Variants in RYR3 observed in about 807,000 individuals in gnomAD.
RYR3 encodes the protein ryanodine receptor 3.
A neutral mutation model predicts 584.3 loss-of-function variants in RYR3; 207 were observed. The ratio of observed to expected loss-of-function variants is 0.35; its 90% CI spans 0.32 to 0.40. The LOEUF (loss-of-function observed/expected upper bound fraction) is 0.40, where lower values mean the gene tolerates loss of function less well. Ranked by LOEUF, RYR3 falls within the 10% of genes least tolerant of loss-of-function variation. The pLI, the probability that RYR3 is intolerant of heterozygous loss-of-function variation, is 1.00. For synonymous variants in RYR3, 2,416 were observed against 2,248.5 expected (o/e 1.07, Z -2.11); for missense variants, 5,616 against 6,089.2 (o/e 0.92, Z 2.59).
intron 1 of RYR3, among the ~76,000 whole-genome samples, chr15:33,338,653 G>A (rs557659993): frequency 6.6e-6 from 1 of 152,144 alleles, no homozygotes; most frequent in South Asian, 2.1e-4. Flanking sequence ...GGAACCGAAA[G>A]GGGGAGGCAG....
intron 63 of RYR3, among the ~76,000 whole-genome samples, chr15:33,772,537 T>C (rs565562028): frequency 6.6e-6 from 1 of 152,356 alleles, no homozygotes; most frequent in South Asian, 2.1e-4. Flanking sequence ...GAAGACTTAA[T>C]TTATTCATTG....
intron 2 of RYR3, among the ~76,000 whole-genome samples, chr15:33,474,139 G>A (rs780496019): frequency 2.5e-4 from 38 of 152,114 alleles, no homozygotes; most frequent in Admixed American, 9.2e-4. Flanking sequence ...GTGTCAAGTG[G>A]ATCTATGTGC....
chr15:33,504,548 AC>A (rs1402068133), intron 3 of RYR3, among the ~76,000 whole-genome samples: 5 of 151,746 alleles, frequency 3.3e-5, no homozygotes, highest in East Asian at 3.9e-4. Flanking sequence ...TCCTATACTT[AC>A]CCCCTCCTCC....
chr15:33,414,665 C>T (rs868203964), intron 1 of RYR3, among the ~76,000 whole-genome samples: 69 of 152,216 alleles, frequency 4.5e-4, no homozygotes, highest in African/African-American at 1.6e-3. Flanking sequence ...AGTGCAGTGG[C>T]GTGATCTCAG....
intron 2 of RYR3, among the ~76,000 whole-genome samples, chr15:33,485,901 A>G (rs720337): frequency 0.44 from 67,538 of 152,042 alleles, 15,847 homozygotes; most frequent in Non-Finnish European, 0.52. Flanking sequence ...GAATGAGGAA[A>G]GAACAAAAGA....
At chr15:33,707,889 T>C (rs1284958175) in intron 43 of RYR3, among the ~76,000 whole-genome samples, 1 of 152,206 alleles carries the variant, frequency 6.6e-6, no homozygotes, top group Non-Finnish European at 1.5e-5. Flanking sequence ...TTTCTTGTTG[T>C]CTCTCTACCC....
chr15:33,629,098 G>C (rs1157867830), intron 21 of RYR3, among the ~76,000 whole-genome samples: 3 of 152,202 alleles, frequency 2.0e-5, no homozygotes, highest in Non-Finnish European at 4.4e-5. Context: ...CTGAGTTACT[G>C]ACAGGGTCTC....
At chr15:33,420,967 A>G (rs2044201412) in intron 1 of RYR3, among the ~76,000 whole-genome samples, 1 of 151,916 alleles carries the variant, frequency 6.6e-6, no homozygotes, top group Non-Finnish European at 1.5e-5. Context: ...GTGTGCCTAA[A>G]TTTTTCTTGG....
At chr15:33,327,931 C>G (rs532271659) in intron 1 of RYR3, among the ~76,000 whole-genome samples, 15 of 152,120 alleles carry the variant, frequency 9.9e-5, no homozygotes, top group African/African-American at 3.6e-4. Context: ...TGAAAATCCA[C>G]ATTCAGAAAT....
At chr15:33,538,361 A>G (rs956416049) in intron 5 of RYR3, among the ~76,000 whole-genome samples, 11 of 152,232 alleles carry the variant, frequency 7.2e-5, no homozygotes, top group African/African-American at 2.4e-4. Flanking sequence ...GTTTTATCTT[A>G]GCTAGTTTGG....
intron 1 of RYR3, among the ~76,000 whole-genome samples, chr15:33,462,702 A>G (rs2048143615): frequency 2.0e-5 from 3 of 152,202 alleles, no homozygotes; most frequent in Admixed American, 1.3e-4. Context: ...CACAGATACC[A>G]TTGCACAATT....
At chr15:33,530,504 A>C in intron 3 of RYR3, 88 bp from the exon 4 acceptor site, 3 of 882,304 alleles carry the variant, frequency 3.4e-6, no homozygotes, top group South Asian at 2.8e-5. Context: ...TTTTCCTGGT[A>C]GTCTGTCTCC....
intron 3 of RYR3, among the ~76,000 whole-genome samples, chr15:33,527,605 G>A (rs55909166): frequency 4.7e-5 from 7 of 148,038 alleles, no homozygotes; most frequent in Admixed American, 6.8e-5. Context: ...AAAAAAAGGC[G>A]TATCATATTT....
At chr15:33,603,835 A>G (rs1265105369) in intron 18 of RYR3, among the ~76,000 whole-genome samples, 3 of 152,398 alleles carry the variant, frequency 2.0e-5, no homozygotes, top group East Asian at 1.9e-4. Context: ...CTACAAGTCC[A>G]TAATCTTGTC....
chr15:33,837,794 T>C lies in RYR3; in HGVS notation c.11814T>C (p.Ile3938=). ...AATATGACCCAGATGGTAAAGGAAT[T>C]ATCTCCAAAAAAGAATTCCAGAAGG... ...FKEYDPDGKG[I]ISKKEFQKAM... is the part of the protein sequence containing the mutation. Residue 3938 remains isoleucine (I), a synonymous_variant, in exon 89 of 104, where the codon ATT becomes ATC. Transcript: ENST00000634891. 6.2e-7 allele frequency: 1 copy of C among 1,613,928 alleles called. No homozygotes were observed.
chr15:33,358,532 C>T (rs905122479), intron 1 of RYR3, among the ~76,000 whole-genome samples: 16 of 152,052 alleles, frequency 1.1e-4, no homozygotes, highest in Non-Finnish European at 1.5e-5. Context: ...GCTGCAGAGA[C>T]GTGGTGACTG....
intron 64 of RYR3, among the ~76,000 whole-genome samples, chr15:33,779,156 G>A (rs976488416): frequency 6.6e-6 from 1 of 152,018 alleles, no homozygotes; most frequent in Non-Finnish European, 1.5e-5. Context: ...TTTGCTGTCT[G>A]CAGATTCTAT....
chr15:33,588,117 C>T (rs2058948811), intron 16 of RYR3, among the ~76,000 whole-genome samples: 1 of 152,154 alleles, frequency 6.6e-6, no homozygotes. Context: ...TTAACAAATG[C>T]CAGTTATTGC....
At chr15:33,472,672 G>A (rs922472114) in intron 1 of RYR3, among the ~76,000 whole-genome samples, 22 of 152,268 alleles carry the variant, frequency 1.4e-4, no homozygotes, top group African/African-American at 5.1e-4. Context: ...GCAAGAAAAT[G>A]TTTTGGTGTA....
Sources: allele counts gnomAD v4.1 joint callset (sites outside exome capture counted in the v4.1 genomes callset), GRCh38; gene constraint gnomAD v4.1.1; transcripts MANE v1.5; gene names NCBI Gene and HGNC (gene_info 2026-07-23, HGNC 2026-07-21).